The following LIMS2 variants were observed in gnomAD, a reference collection of about 807,000 sequenced individuals.
LIMS2 encodes the protein LIM zinc finger domain containing 2, also known as LIM and senescent cell antigen-like-containing domain protein 2.
A neutral mutation model predicts 45.3 loss-of-function variants in LIMS2; 30 were observed. The ratio of observed to expected loss-of-function variants is 0.66; its 90% CI spans 0.50 to 0.90. The LOEUF (loss-of-function observed/expected upper bound fraction) is 0.90, where lower values mean the gene tolerates loss of function less well. LIMS2 is among the 40% of genes least tolerant of loss of function. The pLI, the probability that LIMS2 is intolerant of heterozygous loss-of-function variation, is 0.00. For synonymous variants in LIMS2, 173 were observed against 188.0 expected (o/e 0.92, Z 0.65); for missense variants, 485 against 468.7 (o/e 1.03, Z -0.32).
intron 1 of LIMS2, among the ~76,000 whole-genome samples, chr2:127,660,347 T>A (rs1488347940): frequency 6.6e-6 from 1 of 152,294 alleles, no homozygotes; most frequent in Non-Finnish European, 1.5e-5. Flanking sequence ...GTGGAAAGTT[T>A]GTTCTTTTGC....
At position 127,640,981 on chromosome 2, in the gene LIMS2, A is replaced by G. The variant is rs1682348798; in HGVS notation, c.668T>C (p.Val223Ala). The G allele has an allele frequency of 6.2e-7, 1 of 1,613,628 alleles. No homozygotes were observed. The highest frequency in any genetic ancestry group is 1.7e-5 in the Admixed American group (1 of 59,978). The part of the protein sequence containing the change: ...LGKQWHVEHF[V>A]CAKCEKPFLG... ...GAATGGCTTCTCACACTTGGCACAG[A>G]CAAAGTGCTGCAAGGACAAAGGGCG... The change falls in exon 7 of 10, where the codon GTC becomes GCC. Residue 223 changes from valine (V) to alanine (A), a missense_variant. Val to Ala is a moderately conservative substitution (Grantham distance 64). Coordinates refer to ENST00000355119, the MANE Select transcript of LIMS2 (RefSeq NM_001161403.3).
At chr2:127,665,572 G>T (rs1184531933) in intron 1 of LIMS2, among the ~76,000 whole-genome samples, 1 of 152,186 alleles carries the variant, frequency 6.6e-6, no homozygotes, top group African/African-American at 2.4e-5. Flanking sequence ...GTTTTTAAAG[G>T]TGGCCCCAGG....
chr2:127,639,143 GAAGGGAGAAGGCAATGAGGAAAGAGA>G lies in LIMS2; in HGVS notation c.*112_*137del. 2.2e-6 allele frequency: 2 copies of G among 892,778 alleles called. No individual in the cohort carries two copies. Among genetic ancestry groups the G allele is most frequent in the Non-Finnish European group, 3.4e-6 (2 of 589,988 alleles). The allele number at this position is 892,778 out of a possible 1,614,324, so 55.3% of individuals were successfully genotyped here. On this transcript the variant is annotated 3_prime_UTR_variant, in exon 10 of 10. Transcript: ENST00000355119. Reference sequence around the variant, plus strand: ...GGGGAAGGCAGAGATGAGGGAACAGGAAGGGAGAAGGCAATGAGGAAAGAGAAAGGGAGGGTAAGATGCGGAGGGCA... The same window carrying G: ...GGGGAAGGCAGAGATGAGGGAACAGGAAGGGAGGGTAAGATGCGGAGGGCA...
At chr2:127,680,701 A>G (rs890610423) in intron 1 of LIMS2, among the ~76,000 whole-genome samples, 1 of 152,208 alleles carries the variant, frequency 6.6e-6, no homozygotes, top group Non-Finnish European at 1.5e-5. Context: ...TGATTTACTC[A>G]GGAGTAGAGG....
intron 1 of LIMS2, among the ~76,000 whole-genome samples, chr2:127,660,454 A>G (rs1684552658): frequency 6.6e-6 from 1 of 152,186 alleles, no homozygotes; most frequent in Admixed American, 6.5e-5. Flanking sequence ...TCAATCCTGA[A>G]GCCAGCGAGA....
chr2:127,655,009 G>A (rs1308369563), intron 2 of LIMS2, 113 bp from the exon 3 acceptor site: 5 of 972,006 alleles, frequency 5.1e-6, no homozygotes, highest in Non-Finnish European at 8.1e-6. Flanking sequence ...TGAGGCAGGG[G>A]CATGCCGGGC....
chr2:127,651,908 T>G (rs1253204733), intron 4 of LIMS2: 32 of 718,222 alleles, frequency 4.5e-5, no homozygotes, highest in Non-Finnish European at 6.3e-5. Flanking sequence ...TCTCAACCCA[T>G]AAAAAGGAAG....
intron 1 of LIMS2, among the ~76,000 whole-genome samples, chr2:127,662,594 A>C (rs1684738897): frequency 7.3e-6 from 1 of 136,880 alleles, no homozygotes. Flanking sequence ...ACACATGGAC[A>C]CAGGAAGGGG....
chr2:127,654,465 A>G lies in LIMS2; in HGVS notation c.318T>C (p.Asp106=). The G allele has an allele frequency of 6.2e-7, 1 of 1,614,148 alleles. No homozygotes were observed. Among genetic ancestry groups the G allele is most frequent in the African/African-American group, 1.3e-5 (1 of 75,054 alleles). The change falls in exon 4 of 10, where the codon GAT becomes GAC. Residue 106 remains aspartate (D), a synonymous_variant. Coordinates refer to ENST00000355119, the MANE Select transcript of LIMS2 (RefSeq NM_001161403.3). ...HPGCFRCELC[D]VELADLGFVK... The stretch of plus-strand genomic sequence containing the variant: ...CAAAGCCCAGGTCAGCCAGCTCCAC[A>G]TCACACAGCTCGCAGCGGAAGCAGC...
upstream of LIMS2, among the ~76,000 whole-genome samples, chr2:127,678,995 C>A (rs1313414543): frequency 6.6e-6 from 1 of 152,152 alleles, no homozygotes; most frequent in East Asian, 1.9e-4. This position sits in a 1 kb window ranked among gnomAD's most constrained non-coding sequence, Gnocchi z 5.3. Flanking sequence ...AGAGGTGGGA[C>A]TGGCAGAAAG....
intron 1 of LIMS2, among the ~76,000 whole-genome samples, chr2:127,658,106 G>A (rs1022131100): frequency 1.3e-5 from 2 of 152,244 alleles, no homozygotes; most frequent in South Asian, 2.1e-4. Flanking sequence ...GTAGCTGGGT[G>A]CGTGTGCAGA....
At chr2:127,648,953 A>AG (rs1558877278) in intron 4 of LIMS2, among the ~76,000 whole-genome samples, 1 of 30,688 alleles carries the variant, frequency 3.3e-5, no homozygotes, top group African/African-American at 1.5e-4. Context: ...GAGGGAGGGG[A>AG]GGGGAGGGGA....
chr2:127,654,282 AG>A lies in LIMS2; in HGVS notation c.359+141del, dbSNP rs1229577661. On this transcript the variant is annotated intron_variant, in intron 4 of 9. Transcript: ENST00000355119. ...GACTATCCGCCCCGGGGTGACCTGG[AG>A]GGAGGGCAGCTACATCAGTGCAGGC... 16 of 1,148,014 alleles carry A rather than the reference AG, an allele frequency of 1.4e-5. No individual in the cohort carries two copies. The African/African-American group carries it at 2.4e-4, about 18-fold the overall frequency. 71.1% of individuals were successfully genotyped at this position (1,148,014 alleles called of 1,614,324 possible).
chr2:127,674,814 C>A, intron 1 of LIMS2, 200 bp downstream of exon 1: 1 of 985,374 alleles, frequency 1.0e-6, no homozygotes, highest in Non-Finnish European at 1.2e-6. Flanking sequence ...GCTGCAGGCG[C>A]TCGCCCAGAG....
intron 4 of LIMS2, among the ~76,000 whole-genome samples, chr2:127,645,075 C>T (rs551977423): frequency 1.3e-5 from 2 of 152,136 alleles, no homozygotes; most frequent in Admixed American, 6.5e-5. Context: ...AAAAACAAAA[C>T]ACACACACAC....
At position 127,649,351 on chromosome 2, in the gene LIMS2, G is replaced by C. The variant is rs146264616; in HGVS notation, c.359+5073C>G. On this transcript the variant is annotated intron_variant, in intron 4 of 9. Coordinates refer to ENST00000355119, the MANE Select transcript of LIMS2 (RefSeq NM_001161403.3). ...CCCTCCTGCTGCCACAATGGGCACAGGCAGGATGCCAGCTTCTCTTATGCA... is the reference window on the plus strand; with the variant it reads ...CCCTCCTGCTGCCACAATGGGCACACGCAGGATGCCAGCTTCTCTTATGCA... Among the ~76,000 whole-genome samples the C allele has an allele frequency of 2.0e-3, 302 of 152,342 alleles. 2 individuals carry two copies. The highest frequency in any genetic ancestry group is 6.9e-3 in the African/African-American group (288 of 41,578).
Position 127,674,986 on chromosome 2 carries a change from G to A in LIMS2, c.11+28C>T, listed in dbSNP as rs537390586. 2.9e-3 allele frequency: 3,577 copies of A among 1,229,090 alleles called. 102 individuals are homozygous for A. The African/African-American group carries it at 0.052, about 18-fold the overall frequency. 76.1% of individuals were successfully genotyped at this position (1,229,090 alleles called of 1,614,324 possible). A position where few individuals can be genotyped will look rare whatever the true frequency, so the allele number is the denominator to read the frequency against. ...GGGGTCCCGCAGTCCCGCCTCCCCG[G>A]CCCGGGGGCGTGGGTGGGGGCCGTT... On this transcript the variant is annotated intron_variant, in intron 1 of 9. Transcript: ENST00000355119.
rs1037021812 is a variant in LIMS2 at position 127,643,851 on chromosome 2, C to A, written c.360-779G>T. ...CTCTCTCTGGTGCTCCTGCTGCATC[C>A]AGGCCTCCCTTCCCAGGCCCCCCAG... On this transcript the variant is annotated intron_variant, in intron 4 of 9. Transcript: ENST00000355119. 4.1e-4 allele frequency among the ~76,000 whole-genome samples: 62 copies of A among 152,184 alleles called. 1 individual carries two copies. Among genetic ancestry groups the A allele is most frequent in the Admixed American group, 1.3e-4 (2 of 15,284 alleles).
Position 127,642,305 on chromosome 2 carries a change from C to T in LIMS2, c.510-106G>A, listed in dbSNP as rs918182978. ...CGGCTCCCCGAGGGGCCCATTCTGT[C>T]CCTGCAGAGCCGAGGCGGCAGCGCC... On this transcript the variant is annotated intron_variant, in intron 5 of 9. Coordinates refer to ENST00000355119, the MANE Select transcript of LIMS2 (RefSeq NM_001161403.3). This position sits in a 1 kb window ranked among gnomAD's most constrained non-coding sequence, Gnocchi z 5.3. The T allele has an allele frequency of 1.5e-5, 20 of 1,293,422 alleles. No homozygotes were observed. Among genetic ancestry groups the T allele is most frequent in the Non-Finnish European group, 1.9e-5 (19 of 977,198 alleles). The allele number at this position is 1,293,422 out of a possible 1,614,324, so 80.1% of individuals were successfully genotyped here.
Sources: gnomAD v4.1 joint callset for allele counts (sites outside exome capture counted in the v4.1 genomes callset) on GRCh38, gnomAD v4.1.1 for gene constraint, Gnocchi (gnomAD v3.1) non-coding constraint, MANE v1.5 for transcripts, NCBI Gene and HGNC (gene_info 2026-07-23, HGNC 2026-07-21) for gene names.